The following CCDC77 variants were observed in gnomAD, a reference collection of about 807,000 sequenced individuals.
CCDC77 encodes coiled-coil domain-containing protein 77.
A neutral mutation model predicts 66.8 loss-of-function variants in CCDC77; 56 were observed. The observed-to-expected ratio is 0.84, with a 90% CI of 0.68 to 1.05. CCDC77 has a LOEUF of 1.05. Among genes scored for constraint, CCDC77 ranks in the 50% least tolerant of loss-of-function variants. The probability of loss-of-function intolerance (pLI) is 0.00; values close to 1 mark genes in which losing one functional copy is unlikely to be tolerated. For synonymous variants in CCDC77, 196 were observed against 195.2 expected (o/e 1.00, Z -0.03); for missense variants, 570 against 576.8 (o/e 0.99, Z 0.12).
intron 5 of CCDC77, among the ~76,000 whole-genome samples, chr12:426,637 T>C (rs2137592593): frequency 6.6e-6 from 1 of 152,262 alleles, no homozygotes; most frequent in African/African-American, 2.4e-5. Context: ...ATTTGGGAAC[T>C]GAAGAAATGC....
rs1945800225 is a variant in CCDC77 at position 438,670 on chromosome 12, G to A, written c.1041+116G>A. The A allele has an allele frequency of 7.0e-6, 5 of 713,180 alleles. No individual in the cohort carries two copies. In the South Asian group the frequency reaches 7.8e-5, roughly 11 times the overall value. The allele number at this position is 713,180 out of a possible 1,614,324, so 44.2% of individuals were successfully genotyped here. On this transcript the variant is annotated intron_variant, in intron 10 of 12. Transcript: ENST00000239830. ...TTCAGTCCAGGAAGCTCTGGTAGCAGCTGCCTCAAGAACTAGGTTTCAAAG... is the reference window on the plus strand; with the variant it reads ...TTCAGTCCAGGAAGCTCTGGTAGCAACTGCCTCAAGAACTAGGTTTCAAAG...
chr12:429,771 T>TA (rs1187988480), intron 6 of CCDC77, among the ~76,000 whole-genome samples: 1 of 151,844 alleles, frequency 6.6e-6, no homozygotes, highest in South Asian at 2.1e-4. Flanking sequence ...GAGCTGCTTT[T>TA]AAAAAAACAA....
chr12:421,127 CTGTG>C (rs1254633369), intron 5 of CCDC77, among the ~76,000 whole-genome samples: 2 of 338 alleles, frequency 5.9e-3, no homozygotes, highest in African/African-American at 0.025. Flanking sequence ...CAGTGCTCTT[CTGTG>C]TGTGTGTGCT....
upstream of CCDC77, among the ~76,000 whole-genome samples, chr12:400,246 C>A (rs1052126589): frequency 6.6e-6 from 1 of 152,236 alleles, no homozygotes; most frequent in African/African-American, 2.4e-5. Context: ...TCAGGGAATG[C>A]TGTGGCTGGT....
chr12:423,092 T>C (rs918094521), intron 5 of CCDC77, among the ~76,000 whole-genome samples: 2 of 140,032 alleles, frequency 1.4e-5, no homozygotes, highest in African/African-American at 5.1e-5. Context: ...ACCTGTTATT[T>C]TCTTTTTTTT....
upstream of CCDC77, among the ~76,000 whole-genome samples, chr12:401,423 A>T (rs1944891646): frequency 6.6e-6 from 1 of 152,240 alleles, no homozygotes; most frequent in African/African-American, 2.4e-5. Context: ...GTTGCAGCCC[A>T]GCTGCGTCGC....
At chr12:425,348 C>T (rs1945507739) in intron 5 of CCDC77, among the ~76,000 whole-genome samples, 1 of 139,430 alleles carries the variant, frequency 7.2e-6, no homozygotes, top group Non-Finnish European at 1.5e-5. Flanking sequence ...AGCATGGTCT[C>T]GCTCCAGATT....
chr12:392,755 A>T (rs1944773035), intron 1 of CCDC77, among the ~76,000 whole-genome samples: 2 of 151,922 alleles, frequency 1.3e-5, no homozygotes, highest in African/African-American at 4.8e-5. Context: ...ACAAAAAAAA[A>T]AATTATTGAG....
intron 1 of CCDC77, among the ~76,000 whole-genome samples, chr12:391,949 G>C (rs1037141650): frequency 1.3e-5 from 2 of 152,242 alleles, no homozygotes; most frequent in East Asian, 1.9e-4. Flanking sequence ...TTCCCTCAGG[G>C]GGGGCACATG....
chr12:392,399 T>C (rs1380099391), intron 1 of CCDC77, among the ~76,000 whole-genome samples: 1 of 152,156 alleles, frequency 6.6e-6, no homozygotes, highest in Non-Finnish European at 1.5e-5. Flanking sequence ...TCAAGAATAA[T>C]TTCCACCAGT....
rs1478439503 is a variant in CCDC77, at chr12:439,301, CCT to C, written c.1041+748_1041+749del. 3.3e-5 allele frequency among the ~76,000 whole-genome samples: 5 copies of C among 152,072 alleles called. No individual in the cohort carries two copies. The East Asian group carries it at 7.8e-4, about 24-fold the overall frequency. The stretch of plus-strand genomic sequence containing the variant: ...TTGGGAGGCCAAGGCGGGTGGATCA[CCT>C]GAGGTCAGGAGTTCGAGACCAGCCT... On this transcript the variant is annotated intron_variant, in intron 10 of 12. Transcript: ENST00000239830.
chr12:418,702 C>A, intron 5 of CCDC77, 66 bp downstream of exon 5: 1 of 1,513,736 alleles, frequency 6.6e-7, no homozygotes, highest in Non-Finnish European at 9.1e-7. Context: ...TTCATTCATT[C>A]ATTCATTCAT....
intron 7 of CCDC77, 34 bp downstream of exon 7, chr12:430,770 C>G: frequency 6.6e-7 from 1 of 1,522,454 alleles, no homozygotes; most frequent in Non-Finnish European, 9.1e-7. Context: ...AAATTCTCAT[C>G]AATGCAGAAT....
chr12:406,993 G>A lies in CCDC77; in HGVS notation c.-17+1429G>A, dbSNP rs539590850. On this transcript the variant is annotated intron_variant, in intron 2 of 12. Transcript: ENST00000239830. ...GGAGACCAGTTAAGAGACCGTTGTCGTCATCTGGGCAACAGATAGCAGTGG... is the reference window on the plus strand; with the variant it reads ...GGAGACCAGTTAAGAGACCGTTGTCATCATCTGGGCAACAGATAGCAGTGG... Among the ~76,000 whole-genome samples, 5 of 152,258 alleles carry A rather than the reference G, an allele frequency of 3.3e-5. No homozygotes were observed. The East Asian group carries it at 5.8e-4, about 18-fold the overall frequency.
At position 440,944 on chromosome 12, in the gene CCDC77, A is replaced by AT; in HGVS notation, c.1269dup (p.Ile424TyrfsTer2). 1 of 1,613,446 alleles carries AT rather than the reference A, an allele frequency of 6.2e-7. No homozygotes were observed. Among genetic ancestry groups the AT allele is most frequent in the Non-Finnish European group, 8.5e-7 (1 of 1,179,984 alleles). ...CTGGAAGTAGAAGGCTTTAAGACAG[A>AT]TATTAAAGTTCTCCGACAGAAACTG... On this transcript the variant is annotated frameshift_variant, in exon 12 of 13. Transcript: ENST00000239830. LOFTEE classifies it high-confidence loss of function.
chr12:416,194 A>G (rs1236138846), intron 4 of CCDC77, among the ~76,000 whole-genome samples: 1 of 149,060 alleles, frequency 6.7e-6, no homozygotes, highest in Non-Finnish European at 1.5e-5. Context: ...TCCCACTTTA[A>G]CCTCCCAAAG....
intron 7 of CCDC77, among the ~76,000 whole-genome samples, chr12:431,595 A>C (rs1390278880): frequency 6.6e-6 from 1 of 152,202 alleles, no homozygotes; most frequent in African/African-American, 2.4e-5. Flanking sequence ...GATTCTAAGG[A>C]AAATTTAGTG....
chr12:429,979 T>C, intron 6 of CCDC77, among the ~76,000 whole-genome samples: 1 of 150,956 alleles, frequency 6.6e-6, no homozygotes, highest in Non-Finnish European at 1.5e-5. Context: ...TGCAATTTTG[T>C]TTATTTATTT....
At chr12:436,550 A>G (rs1945763661) in intron 9 of CCDC77, among the ~76,000 whole-genome samples, 4 of 152,132 alleles carry the variant, frequency 2.6e-5, no homozygotes, top group Non-Finnish European at 5.9e-5. Context: ...ACATAGTATA[A>G]TGTGTTTGCA....
Sources: gnomAD v4.1 joint callset for allele counts (sites outside exome capture counted in the v4.1 genomes callset) on GRCh38, gnomAD v4.1.1 for gene constraint, MANE v1.5 for transcripts, NCBI Gene and HGNC (gene_info 2026-07-23, HGNC 2026-07-21) for gene names.